CILP: variants seen among roughly 807,000 people sequenced by gnomAD.
CILP encodes the protein cartilage intermediate layer protein.
In CILP, 75 loss-of-function variants were observed where a neutral mutation model predicts 82.5. The observed-to-expected ratio is 0.91, with a 90% CI of 0.75 to 1.10. The LOEUF (loss-of-function observed/expected upper bound fraction) is 1.10. Ranked by LOEUF, CILP falls within the 50% of genes least tolerant of loss-of-function variation. The probability of loss-of-function intolerance (pLI) is 0.00; values close to 1 mark genes in which losing one functional copy is unlikely to be tolerated. For missense variants in CILP, 1,479 were observed against 1,530.8 expected, an observed-to-expected ratio of 0.97 and a Z score of 0.56; for synonymous variants, 530 against 580.3, an observed-to-expected ratio of 0.91 and a Z score of 1.25.
intron 7 of CILP, among the ~76,000 whole-genome samples, chr15:65,202,513 C>T (rs970142318): frequency 2.0e-5 from 3 of 151,830 alleles, no homozygotes; most frequent in East Asian, 1.9e-4. Flanking sequence ...CTGCAACCTC[C>T]GTCTCCCAGG....
Position 65,196,812 on chromosome 15 carries a change from C to T in CILP, c.3474G>A (p.Ala1158=), listed in dbSNP as rs144929846. Residue 1158 remains alanine (A), a synonymous_variant, in exon 9 of 9, where the codon GCG becomes GCA. Coordinates refer to ENST00000261883, the MANE Select transcript of CILP (RefSeq NM_003613.4). ...GRVPSRRQQR[A]SRGGQRQGGV... is the part of the protein sequence containing the mutation. ...CACCCTGGCGCTGGCCACCCCTGCT[C>T]GCTCGCTGCTGCCTCCTCGAGGGCA... The T allele has an allele frequency of 5.0e-6, 8 of 1,608,654 alleles. No individual in the cohort carries two copies. The highest frequency in any genetic ancestry group is 1.7e-4 in the Middle Eastern group (1 of 6,048).
Position 65,198,413 on chromosome 15 carries a change from T to A in CILP, c.1873A>T (p.Thr625Ser). 6.2e-7 allele frequency: 1 copy of A among 1,614,196 alleles called. No homozygotes were observed. The highest frequency in any genetic ancestry group is 1.3e-5 in the African/African-American group (1 of 75,044). The change falls in exon 9 of 9, where the codon ACC (threonine) becomes TCC (serine). Residue 625 changes from threonine to serine, a missense_variant. Thr to Ser is a moderately conservative substitution (Grantham distance 58). Coordinates refer to ENST00000261883, the MANE Select transcript of CILP (RefSeq NM_003613.4). ...GAAATATTCCGGGGATCCAGGAAGG[T>A]CACACTGGCCTTCACTTTTCCTATG... is the stretch of plus-strand genomic sequence containing the variant. ...PYIGKVKASV[T>S]FLDPRNISTA...
At chr15:65,201,836 C>T (rs1359013167) in intron 8 of CILP, 36 bp downstream of exon 8, 9 of 1,440,582 alleles carry the variant, frequency 6.2e-6, no homozygotes, top group South Asian at 3.1e-5. Context: ...AACCCTGTTG[C>T]AGACCCAGGG....
At chr15:65,207,635 G>T in intron 3 of CILP, 37 bp downstream of exon 3, 1 of 1,572,762 alleles carries the variant, frequency 6.4e-7, no homozygotes, top group Non-Finnish European at 8.7e-7. Flanking sequence ...GTTAAAGGCT[G>T]CCCCTCCAGC....
rs2088410473 is a variant in CILP, at chr15:65,198,618, A to T, written c.1668T>A (p.Pro556=). Residue 556 remains proline (P), a synonymous_variant, in exon 9 of 9, where the codon CCT becomes CCA. Coordinates refer to ENST00000261883, the MANE Select transcript of CILP (RefSeq NM_003613.4). ...QKFVNTTKVL[P]FNKKGSAVFH... ...ACACGGCACTCCCCTTCTTGTTGAA[A>T]GGTAGCACTTTGGTGGTGTTGACAA... 3 of 1,614,210 alleles carry T rather than the reference A, an allele frequency of 1.9e-6. No individual in the cohort carries two copies. The East Asian group carries it at 6.7e-5, about 36-fold the overall frequency.
intron 8 of CILP, 30 bp from the exon 9 acceptor site, chr15:65,199,129 A>G (rs1426476506): frequency 6.7e-7 from 1 of 1,500,114 alleles, no homozygotes; most frequent in South Asian, 1.2e-5. Context: ...GGAAATTAAG[A>G]TGTAAGTTTA....
Position 65,209,724 on chromosome 15 carries a change from AAGG to A in CILP, c.29_31del (p.Ser10del). 20 of 1,614,110 alleles carry A rather than the reference AAGG, an allele frequency of 1.2e-5. No homozygotes were observed. Among genetic ancestry groups the A allele is most frequent in the Non-Finnish European group, 1.5e-5 (18 of 1,180,010 alleles). ...CACAGATGTGACTTCCAGGACCAGG[AAGG>A]AGAACACCCAGGCCTTGGTCCCCAC... On this transcript the variant is annotated inframe_deletion, in exon 2 of 9. Transcript: ENST00000261883.
intron 7 of CILP, among the ~76,000 whole-genome samples, chr15:65,202,771 T>C (rs989039976): frequency 8.6e-5 from 13 of 151,694 alleles, no homozygotes; most frequent in Non-Finnish European, 1.9e-4. Flanking sequence ...AGGAACTTTG[T>C]TCTGTGTCCT....
At position 65,201,951 on chromosome 15, in the gene CILP, G is replaced by C. The variant is rs2088461637; in HGVS notation, c.1107C>G (p.His369Gln). Residue 369 changes from histidine to glutamine, a missense_variant, in exon 8 of 9, where the codon CAC (histidine) becomes CAG (glutamine). His to Gln is a conservative substitution (Grantham distance 24). Transcript: ENST00000261883. ...CCTTGCAAAAGTACTCCCCAGCCTGGTGCTGCTGCAGTTTCCTCAGCACCA... is the reference window on the plus strand; with the variant it reads ...CCTTGCAAAAGTACTCCCCAGCCTGCTGCTGCTGCAGTTTCCTCAGCACCA... ...SKLVLRKLQQ[H>Q]QAGEYFCKAQ... The C allele has an allele frequency of 1.9e-6, 3 of 1,607,554 alleles. No individual in the cohort carries two copies. The highest frequency in any genetic ancestry group is 2.7e-5 in the African/African-American group (2 of 74,500).
chr15:65,207,334 C>T (rs1411485052), intron 3 of CILP, among the ~76,000 whole-genome samples: 1 of 152,160 alleles, frequency 6.6e-6, no homozygotes, highest in African/African-American at 2.4e-5. Flanking sequence ...GTGGCTCGGG[C>T]CACATCACCT....
rs547762140 is a variant in CILP, at chr15:65,203,956, A to G, written c.919+312T>C. Among the ~76,000 whole-genome samples, 40 of 152,338 alleles carry G rather than the reference A, an allele frequency of 2.6e-4. No homozygotes were observed. The South Asian group carries it at 8.3e-3, about 32-fold the overall frequency. The stretch of plus-strand genomic sequence containing the variant: ...ATTTGAGGGAGCAAGCCACGCCAAT[A>G]TCTATGGGAAGAACATTCTAAACAG... On this transcript the variant is annotated intron_variant, in intron 6 of 8. Transcript: ENST00000261883.
At chr15:65,208,776 C>T (rs970241591) in intron 2 of CILP, among the ~76,000 whole-genome samples, 1 of 152,208 alleles carries the variant, frequency 6.6e-6, no homozygotes, top group Non-Finnish European at 1.5e-5. Flanking sequence ...GGAGCCAAAT[C>T]AGAATTCTCT....
In CILP at chr15:65,197,140, T is replaced by G; in HGVS notation, c.3146A>C (p.His1049Pro). 1 of 1,613,980 alleles carries G rather than the reference T, an allele frequency of 6.2e-7. No individual in the cohort carries two copies. Among genetic ancestry groups the G allele is most frequent in the Non-Finnish European group, 8.5e-7 (1 of 1,179,934 alleles). The change falls in exon 9 of 9, where the codon CAC becomes CCC. Residue 1049 changes from histidine (H) to proline (P), a missense_variant. His to Pro is a moderately conservative substitution (Grantham distance 77, BLOSUM62 -2). Coordinates refer to ENST00000261883, the MANE Select transcript of CILP (RefSeq NM_003613.4). ...GTCGTTGTTGACTGCAAGTGGCAAG[T>G]GGTTGACCAGGTACTCATGCAGCAT... ...NPMLHEYLVN[H>P]LPLAVNNDTS...
At position 65,199,052 on chromosome 15, in the gene CILP, G is replaced by A. The variant is rs145150482; in HGVS notation, c.1234C>T (p.Arg412Trp). ...CNPVPESYLI[R>W]LPHDCFQNAT... ...TTCTGAAAGCAATCATGGGGCAGCCGGATAAGATAGCTCTCAGGAACTGGG... is the reference window on the plus strand; with the variant it reads ...TTCTGAAAGCAATCATGGGGCAGCCAGATAAGATAGCTCTCAGGAACTGGG... Residue 412 changes from arginine to tryptophan, a missense_variant, in exon 9 of 9, where the codon CGG (arginine) becomes TGG (tryptophan). By Grantham distance (101) the Arg-to-Trp change is moderately radical. Coordinates refer to ENST00000261883, the MANE Select transcript of CILP (RefSeq NM_003613.4). 11 of 1,601,050 alleles carry A rather than the reference G, an allele frequency of 6.9e-6. No homozygotes were observed. Among genetic ancestry groups the A allele is most frequent in the African/African-American group, 4.0e-5 (3 of 74,928 alleles).
Position 65,206,909 on chromosome 15 carries a change from C to G in CILP, c.297G>C (p.Trp99Cys). 1 of 1,613,914 alleles carries G rather than the reference C, an allele frequency of 6.2e-7. No homozygotes were observed. Among genetic ancestry groups the G allele is most frequent in the Non-Finnish European group, 8.5e-7 (1 of 1,180,024 alleles). The change falls in exon 4 of 9, where the codon TGG becomes TGC. Residue 99 changes from tryptophan (W) to cysteine (C), a missense_variant. Transcript: ENST00000261883. ...PLRLEARTTD[W>C]TPAGSTGQVV... ...CCTGGCCAGTGCTGCCCGCAGGTGTCCAGTCAGTGGTCCGAGCCTCTAGCC... is the reference window on the plus strand; with the variant it reads ...CCTGGCCAGTGCTGCCCGCAGGTGTGCAGTCAGTGGTCCGAGCCTCTAGCC...
intron 7 of CILP, among the ~76,000 whole-genome samples, chr15:65,203,076 A>T (rs1277582664): frequency 6.6e-6 from 1 of 151,992 alleles, no homozygotes; most frequent in Non-Finnish European, 1.5e-5. Context: ...GGCTCAAGCA[A>T]TCCACCTGCC....
intron 2 of CILP, 150 bp downstream of exon 2, chr15:65,209,545 G>A: frequency 1.5e-6 from 1 of 655,662 alleles, no homozygotes; most frequent in Non-Finnish European, 2.7e-6. Context: ...AAAACAAACA[G>A]GGTATAAATT....
chr15:65,210,060 C>T (rs2088567775), intron 1 of CILP, among the ~76,000 whole-genome samples, 199 bp from the exon 2 acceptor site: 1 of 152,122 alleles, frequency 6.6e-6, no homozygotes, highest in Non-Finnish European at 1.5e-5. Context: ...GACTAGGTTC[C>T]ATCCCTGGGG....
intron 7 of CILP, among the ~76,000 whole-genome samples, chr15:65,203,149 C>T (rs562415790): frequency 1.9e-4 from 29 of 152,246 alleles, no homozygotes; most frequent in African/African-American, 7.0e-4. Context: ...AGGGTTCCCC[C>T]AGCTTTGAGG....
Sources: allele counts gnomAD v4.1 joint callset (sites outside exome capture counted in the v4.1 genomes callset), GRCh38; gene constraint gnomAD v4.1.1; transcripts MANE v1.5; gene names NCBI Gene and HGNC (gene_info 2026-07-23, HGNC 2026-07-21).